KPNA3: variants seen among roughly 807,000 people sequenced by gnomAD.
The protein encoded by KPNA3 is importin subunit alpha-4.
A neutral mutation model predicts 73.8 loss-of-function variants in KPNA3; 13 were observed. That is an observed-to-expected ratio of 0.18 (90% CI 0.11 to 0.28). KPNA3 has a LOEUF of 0.28. Among genes scored for constraint, KPNA3 ranks in the 10% least tolerant of loss-of-function variants. KPNA3 has a pLI of 1.00. For synonymous variants in KPNA3, 186 were observed against 206.9 expected, an observed-to-expected ratio of 0.90 and a Z score of 0.87; for missense variants, 360 against 618.1, an observed-to-expected ratio of 0.58 and a Z score of 4.43.
At chr13:49,749,446 T>C (rs1954644199) in intron 1 of KPNA3, among the ~76,000 whole-genome samples, 1 of 152,216 alleles carries the variant, frequency 6.6e-6, no homozygotes, top group East Asian at 1.9e-4. Context: ...CTTACTTGTT[T>C]GGGGTCTAAG....
intron 6 of KPNA3, among the ~76,000 whole-genome samples, chr13:49,732,131 A>G (rs1954475713): frequency 6.6e-6 from 1 of 152,266 alleles, no homozygotes; most frequent in East Asian, 1.9e-4. Context: ...AGATAAGTTA[A>G]AACAGGCAAT....
chr13:49,751,427 T>A (rs1323423832), intron 1 of KPNA3, among the ~76,000 whole-genome samples: 1 of 152,190 alleles, frequency 6.6e-6, no homozygotes, highest in Non-Finnish European at 1.5e-5. Context: ...TAAAATAGCC[T>A]AACTAGTCTC....
At chr13:49,775,162 CAAAA>C (rs60494803) in intron 1 of KPNA3, among the ~76,000 whole-genome samples, 2 of 93,062 alleles carry the variant, frequency 2.1e-5, no homozygotes, top group African/African-American at 9.9e-5. Context: ...GACTCTGTCT[CAAAA>C]AAAAAAAAAA....
At chr13:49,783,708 CT>C (rs986951410) in intron 1 of KPNA3, among the ~76,000 whole-genome samples, 5 of 152,074 alleles carry the variant, frequency 3.3e-5, no homozygotes, top group South Asian at 2.1e-4. Context: ...CAAGAAGTTA[CT>C]TTTTTTTCCA....
At chr13:49,745,362 ATT>A (rs71078886) in intron 2 of KPNA3, among the ~76,000 whole-genome samples, 24 of 145,098 alleles carry the variant, frequency 1.7e-4, no homozygotes, top group Non-Finnish European at 1.8e-4. Flanking sequence ...CAAGACGGTA[ATT>A]TTTTTTTTTT....
chr13:49,719,445 G>A (rs372657575), intron 10 of KPNA3, among the ~76,000 whole-genome samples: 1 of 152,046 alleles, frequency 6.6e-6, no homozygotes, highest in South Asian at 2.1e-4. Context: ...CCTATCTGTT[G>A]TAAGAACCAG....
In KPNA3 at chr13:49,704,438, TAAATAAATAAATA is replaced by T. The variant is rs1566330830; in HGVS notation, c.1372+1170_1372+1182del. Among the ~76,000 whole-genome samples the T allele has an allele frequency of 1.2e-3, 4 of 3,476 alleles. No homozygotes were observed. The East Asian group carries it at 0.037, about 33-fold the overall frequency. 2.3% of individuals were successfully genotyped at this position (3,476 alleles called of 152,430 possible). A position where few individuals can be genotyped will look rare whatever the true frequency, so the allele number is the denominator to read the frequency against. ...AAAAAAAAAATAAATAAATAAAAAA[TAAATAAATAAATA>T]AATAAATAAATAAATAAATAAATAA... On this transcript the variant is annotated intron_variant, in intron 15 of 16. Transcript: ENST00000261667.
chr13:49,762,850 A>G (rs1954778988), intron 1 of KPNA3, among the ~76,000 whole-genome samples: 1 of 151,756 alleles, frequency 6.6e-6, no homozygotes, highest in Non-Finnish European at 1.5e-5. Flanking sequence ...GAAACACCCA[A>G]GAATGATCAA....
chr13:49,724,329 AGTCTC>A (rs1291980196), intron 7 of KPNA3, among the ~76,000 whole-genome samples: 1 of 146,666 alleles, frequency 6.8e-6, no homozygotes, highest in Non-Finnish European at 1.5e-5. Flanking sequence ...TTTGAGGTGG[AGTCTC>A]GCTTTGTCAC....
intron 1 of KPNA3, among the ~76,000 whole-genome samples, chr13:49,769,637 A>G (rs1039805175): frequency 6.6e-6 from 1 of 152,222 alleles, no homozygotes; most frequent in Non-Finnish European, 1.5e-5. Flanking sequence ...GCTGAATAAT[A>G]TTCTACTGTA....
intron 1 of KPNA3, among the ~76,000 whole-genome samples, chr13:49,762,275 C>A (rs922630342): frequency 6.6e-6 from 1 of 151,506 alleles, no homozygotes; most frequent in Non-Finnish European, 1.5e-5. Context: ...GCCATCGCCC[C>A]GTCCGGGAGG....
At chr13:49,766,997 A>ATT (rs199591606) in intron 1 of KPNA3, among the ~76,000 whole-genome samples, 219 of 118,370 alleles carry the variant, frequency 1.9e-3, no homozygotes, top group Non-Finnish European at 3.0e-3. Flanking sequence ...TCAAGTTAGG[A>ATT]TTTTTTTTTT....
chr13:49,775,162 C>CAAAAAAAAAAA (rs60494803), intron 1 of KPNA3, among the ~76,000 whole-genome samples: 2 of 93,060 alleles, frequency 2.1e-5, no homozygotes, highest in Non-Finnish European at 4.0e-5. Flanking sequence ...GACTCTGTCT[C>CAAAAAAAAAAA]AAAAAAAAAA....
intron 2 of KPNA3, among the ~76,000 whole-genome samples, chr13:49,745,160 T>C (rs1954605475): frequency 6.6e-6 from 1 of 152,192 alleles, no homozygotes; most frequent in South Asian, 2.1e-4. Flanking sequence ...ATGAATGTAG[T>C]TAAAATGAGC....
Position 49,706,373 on chromosome 13 carries a change from C to T in KPNA3, c.1033-1G>A, listed in dbSNP as rs552472893. ...TGTTGGAAAGGAACCACACTGCTTCCTATAATTGAACAAAATATAGGGCAC... is the reference window on the plus strand; with the variant it reads ...TGTTGGAAAGGAACCACACTGCTTCTTATAATTGAACAAAATATAGGGCAC... On this transcript the variant is annotated splice_acceptor_variant, in intron 12 of 16. Coordinates refer to ENST00000261667, the MANE Select transcript of KPNA3 (RefSeq NM_002267.4). LOFTEE classifies it high-confidence loss of function. 1 of 1,611,038 alleles carries T rather than the reference C, an allele frequency of 6.2e-7. No homozygotes were observed. The highest frequency in any genetic ancestry group is 8.5e-7 in the Non-Finnish European group (1 of 1,177,762).
At chr13:49,733,282 G>GT (rs760449062) in intron 2 of KPNA3, among the ~76,000 whole-genome samples, 11,477 of 100,790 alleles carry the variant, frequency 0.11, 1,063 homozygotes, top group African/African-American at 0.15. Flanking sequence ...CCACTGTGGT[G>GT]TTTTTTTTTT....
At chr13:49,718,197 G>C (rs1383033097) in intron 10 of KPNA3, among the ~76,000 whole-genome samples, 1 of 152,170 alleles carries the variant, frequency 6.6e-6, no homozygotes, top group Admixed American at 6.5e-5. Context: ...ATACTGGTAA[G>C]ATAAAAGGAG....
intron 1 of KPNA3, among the ~76,000 whole-genome samples, chr13:49,761,136 T>C (rs1954755545): frequency 6.6e-6 from 1 of 152,232 alleles, no homozygotes; most frequent in Non-Finnish European, 1.5e-5. Context: ...GGATCCTGGC[T>C]ATTAACAGAA....
intron 2 of KPNA3, among the ~76,000 whole-genome samples, chr13:49,741,762 T>G (rs1954576503): frequency 6.6e-6 from 1 of 152,232 alleles, no homozygotes; most frequent in Non-Finnish European, 1.5e-5. Flanking sequence ...TCCTTGCCCA[T>G]TTTTTAATTG....
Sources: gnomAD v4.1 joint callset for allele counts (sites outside exome capture counted in the v4.1 genomes callset) on GRCh38, gnomAD v4.1.1 for gene constraint, MANE v1.5 for transcripts, NCBI Gene and HGNC (gene_info 2026-07-23, HGNC 2026-07-21) for gene names.